Variants in DYNC2H1 observed in about 807,000 individuals in gnomAD.
DYNC2H1 encodes cytoplasmic dynein 2 heavy chain 1.
DYNC2H1 carries 410 observed loss-of-function variants against 570.0 expected under a neutral mutation model. The ratio of observed to expected loss-of-function variants is 0.72; its 90% CI spans 0.66 to 0.78. The LOEUF (loss-of-function observed/expected upper bound fraction) is 0.78. Among genes scored for constraint, DYNC2H1 ranks in the 30% least tolerant of loss-of-function variants. The pLI is 0.00. For missense variants in DYNC2H1, 4,865 were observed against 5,046.4 expected, an observed-to-expected ratio of 0.96 and a Z score of 1.09; for synonymous variants, 1,688 against 1,677.6, an observed-to-expected ratio of 1.01 and a Z score of -0.15.
At chr11:103,283,147 A>T in intron 73 of DYNC2H1, 62 bp downstream of exon 73, 2 of 1,342,234 alleles carry the variant, frequency 1.5e-6, no homozygotes, top group Non-Finnish European at 2.1e-6. Context: ...GTTTCTGTTG[A>T]TACTTTGTGC....
At chr11:103,452,264 G>A (rs748412770) in intron 85 of DYNC2H1, among the ~76,000 whole-genome samples, 1 of 151,902 alleles carries the variant, frequency 6.6e-6, no homozygotes, top group Admixed American at 6.6e-5. Context: ...GTGTGGATAC[G>A]CATTTCATAA....
intron 75 of DYNC2H1, among the ~76,000 whole-genome samples, 176 bp from the exon 76 acceptor site, chr11:103,302,917 C>T (rs1002936830): frequency 2.6e-5 from 4 of 151,952 alleles, no homozygotes; most frequent in African/African-American, 7.2e-5. Flanking sequence ...GCACCTTAAG[C>T]ATAAAACAGA....
rs1426278002 is a variant in DYNC2H1 at position 103,228,544 on chromosome 11, T to G, written c.9354-2716T>G. Among the ~76,000 whole-genome samples the G allele has an allele frequency of 2.0e-5, 3 of 152,196 alleles. No homozygotes were observed. Among genetic ancestry groups the G allele is most frequent in the African/African-American group, 7.2e-5 (3 of 41,452 alleles). On this transcript the variant is annotated intron_variant, in intron 59 of 88. Transcript: ENST00000375735. The surrounding 1 kb of genome is among the most constrained non-coding windows in gnomAD (Gnocchi z 6.1). ...ACAGAGTCCTGTGATGTGATCTGTC[T>G]TCAGGTATCTTAGCTGTGGATACCA...
chr11:103,391,547 T>C (rs2671365), intron 83 of DYNC2H1, among the ~76,000 whole-genome samples: 147,272 of 152,320 alleles, frequency 0.97, 71,343 homozygotes, highest in Middle Eastern at 1. Flanking sequence ...TAAGGAGCTG[T>C]GTTCCTTTGG....
At chr11:103,122,081 A>G (rs1179603584) in intron 10 of DYNC2H1, among the ~76,000 whole-genome samples, 1 of 152,254 alleles carries the variant, frequency 6.6e-6, no homozygotes, top group Non-Finnish European at 1.5e-5. Context: ...GGTCTAAGGT[A>G]GTGAGAACAA....
At chr11:103,272,267 T>C (rs1021224742) in intron 70 of DYNC2H1, among the ~76,000 whole-genome samples, 3 of 152,200 alleles carry the variant, frequency 2.0e-5, no homozygotes, top group African/African-American at 7.2e-5. Context: ...GTTCATGTCC[T>C]TTGTAGGGAC....
intron 84 of DYNC2H1, among the ~76,000 whole-genome samples, chr11:103,434,176 G>T (rs893330427): frequency 6.6e-5 from 10 of 151,966 alleles, no homozygotes; most frequent in African/African-American, 2.2e-4. Flanking sequence ...AGTTCTCTTT[G>T]AATTGCATCC....
At chr11:103,436,988 A>G (rs771542450) in intron 85 of DYNC2H1, among the ~76,000 whole-genome samples, 2 of 152,078 alleles carry the variant, frequency 1.3e-5, no homozygotes, top group Non-Finnish European at 2.9e-5. Context: ...GAGCGCTGCT[A>G]CCGAAACTTC....
intron 59 of DYNC2H1, among the ~76,000 whole-genome samples, chr11:103,230,113 A>C (rs1179205410): frequency 6.6e-6 from 1 of 152,144 alleles, no homozygotes. Flanking sequence ...GAAGTTTGAG[A>C]ACCCCTGCTG....
chr11:103,314,398 A>G (rs1469334413), intron 79 of DYNC2H1, among the ~76,000 whole-genome samples: 1 of 152,054 alleles, frequency 6.6e-6, no homozygotes, highest in Non-Finnish European at 1.5e-5. Context: ...TATTATTTGT[A>G]TTACATAATA....
rs11225655 is a variant in DYNC2H1 at position 103,289,200 on chromosome 11, G to A, written c.11095+1595G>A. Among the ~76,000 whole-genome samples the A allele has an allele frequency of 0.035, 5,273 of 152,080 alleles. 318 individuals carry two copies. Among genetic ancestry groups the A allele is most frequent in the African/African-American group, 0.12 (4,976 of 41,438 alleles). ...TTCCTAAGCCCCTACTCACCAAATC[G>A]TCTTTAAAAACTCTGATCCTGAATG... On this transcript the variant is annotated intron_variant, in intron 75 of 88. Transcript: ENST00000375735. The surrounding 1 kb of genome is among the most constrained non-coding windows in gnomAD (Gnocchi z 4.2).
intron 10 of DYNC2H1, 129 bp from the exon 11 acceptor site, chr11:103,122,696 C>G (rs1481949125): frequency 1.3e-6 from 1 of 787,146 alleles, no homozygotes. Flanking sequence ...GGTGAATCTT[C>G]CGTTTCACTG....
chr11:103,416,620 A>G (rs1015946657), intron 84 of DYNC2H1, among the ~76,000 whole-genome samples: 1 of 152,188 alleles, frequency 6.6e-6, no homozygotes, highest in African/African-American at 2.4e-5. Context: ...ACAGAAAACA[A>G]ACTGGACCCC....
At chr11:103,368,370 C>T (rs1941005976) in intron 83 of DYNC2H1, among the ~76,000 whole-genome samples, 1 of 151,822 alleles carries the variant, frequency 6.6e-6, no homozygotes, top group Non-Finnish European at 1.5e-5. Context: ...TTTTTTCATA[C>T]ATCTGTTGGT....
chr11:103,121,967 A>G (rs933742067), intron 10 of DYNC2H1, among the ~76,000 whole-genome samples: 13 of 152,118 alleles, frequency 8.5e-5, no homozygotes, highest in African/African-American at 3.1e-4. Context: ...AAAATATTGT[A>G]AAATTTTAGT....
At chr11:103,393,178 C>G (rs1042779574) in intron 83 of DYNC2H1, among the ~76,000 whole-genome samples, 6 of 152,180 alleles carry the variant, frequency 3.9e-5, no homozygotes, top group Non-Finnish European at 5.9e-5. Context: ...GCCATGGCAC[C>G]CAGCCAGAAC....
At chr11:103,416,305 T>A (rs1019567544) in intron 84 of DYNC2H1, among the ~76,000 whole-genome samples, 1 of 151,856 alleles carries the variant, frequency 6.6e-6, no homozygotes, top group African/African-American at 2.4e-5. Context: ...ATAATAATAA[T>A]AATTAATAAT....
intron 75 of DYNC2H1, among the ~76,000 whole-genome samples, chr11:103,292,342 C>CAAAGA (rs1229394418): frequency 6.6e-6 from 1 of 151,566 alleles, no homozygotes. Context: ...ACTCTGATTA[C>CAAAGA]AAAGAAAAGA....
chr11:103,373,349 C>T (rs916430336), intron 83 of DYNC2H1, among the ~76,000 whole-genome samples: 7 of 152,108 alleles, frequency 4.6e-5, no homozygotes, highest in Non-Finnish European at 8.8e-5. Context: ...TCTTATGATA[C>T]TTTGTATTTC....
Sources: allele counts gnomAD v4.1 joint callset (sites outside exome capture counted in the v4.1 genomes callset), GRCh38; gene constraint gnomAD v4.1.1; non-coding constraint Gnocchi (gnomAD v3.1); transcripts MANE v1.5; gene names NCBI Gene and HGNC (gene_info 2026-07-23, HGNC 2026-07-21).